Variants in SLC35F4 observed in about 807,000 individuals in gnomAD.
The protein encoded by SLC35F4 is chromosome 14 open reading frame 36.
SLC35F4 carries 24 observed loss-of-function variants against 44.2 expected under a neutral mutation model. The observed-to-expected ratio is 0.54, with a 90% CI of 0.39 to 0.76. The LOEUF is 0.76. SLC35F4 is among the 30% of genes least tolerant of loss of function. The pLI, the probability that SLC35F4 is intolerant of heterozygous loss-of-function variation, is 0.00. For missense variants in SLC35F4, 562 were observed against 586.1 expected (o/e 0.96, Z 0.42); for synonymous variants, 238 against 223.6 (o/e 1.06, Z -0.57).
chr14:57,722,668 C>T (rs150896619), intron 1 of SLC35F4, among the ~76,000 whole-genome samples: 7,161 of 152,182 alleles, frequency 0.047, 216 homozygotes, highest in South Asian at 0.087. Context: ...AGAGGCAAAG[C>T]GGCAATCAGA....
At chr14:57,865,576 G>A (rs1234814171) in intron 1 of SLC35F4, 147 bp downstream of exon 1, 1 of 607,212 alleles carries the variant, frequency 1.6e-6, no homozygotes, top group Non-Finnish European at 2.7e-6. Context: ...TCCCCGGGGG[G>A]TCCCCGCCGC....
At chr14:57,894,327 G>A (rs1463431134) in intron 1 of SLC35F4, among the ~76,000 whole-genome samples, 1 of 152,004 alleles carries the variant, frequency 6.6e-6, no homozygotes, top group Non-Finnish European at 1.5e-5. Context: ...AATGAAGACA[G>A]TTGTACAAAA....
chr14:57,585,324 G>C (rs1202202068), intron 3 of SLC35F4, among the ~76,000 whole-genome samples: 1 of 152,114 alleles, frequency 6.6e-6, no homozygotes. Flanking sequence ...ACTAGGTATG[G>C]ATGGAACGTA....
At chr14:57,710,651 C>T (rs748456122) in intron 1 of SLC35F4, among the ~76,000 whole-genome samples, 3 of 152,152 alleles carry the variant, frequency 2.0e-5, no homozygotes, top group African/African-American at 4.8e-5. Flanking sequence ...TGGGAGTCGA[C>T]CTCTTGCACC....
intron 1 of SLC35F4, among the ~76,000 whole-genome samples, chr14:57,683,161 G>A (rs1239678694): frequency 1.3e-5 from 2 of 152,172 alleles, no homozygotes; most frequent in African/African-American, 4.8e-5. Flanking sequence ...TAGTCTAAAT[G>A]TAAAACTAGT....
intron 1 of SLC35F4, among the ~76,000 whole-genome samples, chr14:57,818,473 G>A (rs531662451): frequency 6.6e-6 from 1 of 152,252 alleles, no homozygotes; most frequent in Non-Finnish European, 1.5e-5. Context: ...CTGTAAAGAT[G>A]GGAGCTATTG....
intron 1 of SLC35F4, among the ~76,000 whole-genome samples, chr14:57,742,052 C>G (rs1402983769): frequency 6.6e-6 from 1 of 152,130 alleles, no homozygotes; most frequent in East Asian, 1.9e-4. Flanking sequence ...CAGGCCTGCC[C>G]TAAAAGAGCT....
chr14:57,780,375 C>T (rs1280725966), intron 1 of SLC35F4, among the ~76,000 whole-genome samples: 1 of 151,880 alleles, frequency 6.6e-6, no homozygotes, highest in African/African-American at 2.4e-5. Context: ...TACAGCTAAC[C>T]AAGGAGAGAA....
chr14:57,869,251 A>G (rs1486983138), upstream of SLC35F4, among the ~76,000 whole-genome samples: 1 of 151,744 alleles, frequency 6.6e-6, no homozygotes, highest in Admixed American at 6.6e-5. Context: ...TCATGGGATG[A>G]TCACTTACAG....
At chr14:57,579,206 G>A (rs2069050311) in intron 4 of SLC35F4, among the ~76,000 whole-genome samples, 1 of 152,122 alleles carries the variant, frequency 6.6e-6, no homozygotes, top group Non-Finnish European at 1.5e-5. Context: ...ATATCTGCAA[G>A]GACCCTTTAT....
At chr14:57,923,424 G>T (rs989847289) in intron 1 of SLC35F4, among the ~76,000 whole-genome samples, 1 of 152,182 alleles carries the variant, frequency 6.6e-6, no homozygotes, top group Admixed American at 6.5e-5. Flanking sequence ...ATCCTGGCTG[G>T]TCACTCAGTC....
intron 1 of SLC35F4, among the ~76,000 whole-genome samples, chr14:57,679,694 C>T (rs1388265767): frequency 6.6e-6 from 1 of 151,994 alleles, no homozygotes; most frequent in Non-Finnish European, 1.5e-5. Flanking sequence ...AAGGGGATAT[C>T]TCCACTGATC....
At chr14:57,586,918 A>T (rs1307655) in intron 3 of SLC35F4, among the ~76,000 whole-genome samples, 3 of 149,496 alleles carry the variant, frequency 2.0e-5, no homozygotes, top group African/African-American at 7.4e-5. Context: ...ACAAAGGGCT[A>T]ATAGCCAGAA....
At chr14:57,843,232 A>G (rs539166210) in intron 1 of SLC35F4, among the ~76,000 whole-genome samples, 9 of 152,206 alleles carry the variant, frequency 5.9e-5, no homozygotes, top group African/African-American at 2.2e-4. Context: ...ATATACATCT[A>G]TCCTATTAGT....
At chr14:57,969,165 T>C (rs1880977387) in intron 1 of SLC35F4, among the ~76,000 whole-genome samples, 1 of 152,238 alleles carries the variant, frequency 6.6e-6, no homozygotes, top group Non-Finnish European at 1.5e-5. Context: ...ATTTGGACCC[T>C]GGCCCTGGTC....
At chr14:57,575,698 G>A (rs936520699) in intron 4 of SLC35F4, among the ~76,000 whole-genome samples, 1 of 152,364 alleles carries the variant, frequency 6.6e-6, no homozygotes, top group Admixed American at 6.5e-5. Flanking sequence ...CAGCATGCCA[G>A]TTGAGTGGCA....
intron 1 of SLC35F4, among the ~76,000 whole-genome samples, chr14:57,795,633 T>C (rs145927597): frequency 1.5e-4 from 23 of 152,260 alleles, no homozygotes; most frequent in Non-Finnish European, 2.8e-4. Context: ...TAGAAGCCAG[T>C]AGATGGCAAA....
intron 1 of SLC35F4, among the ~76,000 whole-genome samples, chr14:57,946,409 T>C (rs896590553): frequency 2.6e-5 from 4 of 151,966 alleles, no homozygotes; most frequent in African/African-American, 9.7e-5. Flanking sequence ...TGTTTTTGTT[T>C]GCTTTGTCGA....
intron 1 of SLC35F4, among the ~76,000 whole-genome samples, chr14:57,872,250 T>C (rs535860428): frequency 6.6e-6 from 1 of 152,350 alleles, no homozygotes; most frequent in African/African-American, 2.4e-5. Flanking sequence ...TATTTCATCA[T>C]TATTTTCAGT....
Sources: allele counts gnomAD v4.1 joint callset (sites outside exome capture counted in the v4.1 genomes callset), GRCh38; gene constraint gnomAD v4.1.1; transcripts MANE v1.5; gene names NCBI Gene and HGNC (gene_info 2026-07-23, HGNC 2026-07-21).